The following CAPN14 variants were observed in gnomAD, a reference collection of about 807,000 sequenced individuals.
The protein encoded by CAPN14 is calpain 14.
Under a neutral mutation model 101.3 loss-of-function variants are expected in CAPN14, and 94 were observed. That is an observed-to-expected ratio of 0.93 (90% CI 0.79 to 1.10). The LOEUF (loss-of-function observed/expected upper bound fraction) is 1.10. Among genes scored for constraint, CAPN14 ranks in the 50% least tolerant of loss-of-function variants. The pLI is 0.00. For synonymous variants in CAPN14, 338 were observed against 317.9 expected, an observed-to-expected ratio of 1.06 and a Z score of -0.67; for missense variants, 837 against 828.4, an observed-to-expected ratio of 1.01 and a Z score of -0.13.
chr2:31,187,747 G>A lies in CAPN14; in HGVS notation c.1587+11C>T, dbSNP rs1283051095. 6.4e-7 allele frequency: 1 copy of A among 1,550,426 alleles called. No individual in the cohort carries two copies. The highest frequency in any genetic ancestry group is 2.4e-5 in the East Asian group (1 of 40,930). ...CTCTTCCTCACCCCCCACCACACCT[G>A]TTCAACTAACCTTTTCAAAGAATTT... On this transcript the variant is annotated intron_variant, in intron 15 of 21. Coordinates refer to ENST00000403897, the MANE Select transcript of CAPN14 (RefSeq NM_001145122.2).
At position 31,177,800 on chromosome 2, in the gene CAPN14, G is replaced by A. The variant is rs144558381; in HGVS notation, c.1801C>T (p.Arg601Cys). 286 of 1,551,944 alleles carry A rather than the reference G, an allele frequency of 1.8e-4. No homozygotes were observed. In the African/African-American group the frequency reaches 2.8e-3, roughly 15 times the overall value. ...TCCCAGTTCAGGTATCCTGACCCAC[G>A]GTCTTGCTTGTGGAAAACCTTCTGC... ...LSQKVFHKQD[R>C]GSGYLNWEQL... Residue 601 changes from arginine to cysteine, a missense_variant, in exon 19 of 22, where the codon CGT becomes TGT. Coordinates refer to ENST00000403897, the MANE Select transcript of CAPN14 (RefSeq NM_001145122.2).
At chr2:31,192,570 C>T (rs912653111) in intron 10 of CAPN14, among the ~76,000 whole-genome samples, 3 of 152,124 alleles carry the variant, frequency 2.0e-5, no homozygotes, top group African/African-American at 7.2e-5. Flanking sequence ...CAGGCCTTGC[C>T]TTCAAAAGGG....
chr2:31,220,159 C>A (rs1682819973), upstream of CAPN14, among the ~76,000 whole-genome samples: 1 of 152,070 alleles, frequency 6.6e-6, no homozygotes, highest in Admixed American at 6.5e-5. Context: ...CCAAATGAAT[C>A]CCTGATTGTT....
At chr2:31,178,065 C>G (rs1168652907) in intron 18 of CAPN14, among the ~76,000 whole-genome samples, 1 of 152,212 alleles carries the variant, frequency 6.6e-6, no homozygotes, top group Non-Finnish European at 1.5e-5. Flanking sequence ...TATAGACAGT[C>G]TTGGTGTGGG....
intron 9 of CAPN14, 111 bp from the exon 10 acceptor site, chr2:31,193,405 CAA>C (rs1681308448): frequency 9.5e-7 from 1 of 1,056,904 alleles, no homozygotes; most frequent in Non-Finnish European, 1.4e-6. Flanking sequence ...CTCTCATGGA[CAA>C]AGACACCAGC....
At chr2:31,206,146 C>T (rs935863701) in intron 1 of CAPN14, among the ~76,000 whole-genome samples, 1 of 151,510 alleles carries the variant, frequency 6.6e-6, no homozygotes, top group African/African-American at 2.4e-5. Context: ...AATTCTCCTG[C>T]CTCAGTCTCC....
chr2:31,181,743 A>C (rs916341633), intron 16 of CAPN14, among the ~76,000 whole-genome samples: 1 of 131,438 alleles, frequency 7.6e-6, no homozygotes, highest in South Asian at 2.5e-4. Context: ...TCGTTGTTCA[A>C]TTCCCACCTA....
chr2:31,176,736 AT>A (rs1558608292), intron 20 of CAPN14, 94 bp from the exon 21 acceptor site: 1 of 1,206,656 alleles, frequency 8.3e-7, no homozygotes, highest in African/African-American at 1.5e-5. Context: ...AACCACATCC[AT>A]TCTGAAAACG....
chr2:31,177,054 G>A lies in CAPN14; in HGVS notation c.1944C>T (p.His648=). Residue 648 remains histidine, a synonymous_variant, in exon 20 of 22, where the codon CAC becomes CAT. Coordinates refer to ENST00000403897, the MANE Select transcript of CAPN14 (RefSeq NM_001145122.2). ...RLQMDFVSFI[H]LMLRVENMED... Reference sequence around the variant, plus strand: ...CCATGTTCTCTACACGCAGCATCAAGTGGATGAAACTGACAAAGTCCATCT... The same window carrying A: ...CCATGTTCTCTACACGCAGCATCAAATGGATGAAACTGACAAAGTCCATCT... 2.6e-6 allele frequency: 4 copies of A among 1,551,518 alleles called. No homozygotes were observed. The highest frequency in any genetic ancestry group is 3.5e-6 in the Non-Finnish European group (4 of 1,146,846).
intron 17 of CAPN14, among the ~76,000 whole-genome samples, chr2:31,179,519 C>T (rs553802952): frequency 2.0e-5 from 3 of 152,182 alleles, no homozygotes; most frequent in East Asian, 3.9e-4. Flanking sequence ...TGAATAGTGC[C>T]GCAGTAAACA....
At chr2:31,197,413 A>G in intron 7 of CAPN14, 79 bp from the exon 8 acceptor site, 1 of 978,784 alleles carries the variant, frequency 1.0e-6, no homozygotes. Context: ...TCGGGCCTGG[A>G]GCTGAGCACT....
At chr2:31,227,798 C>T (rs967340975) in intron 1 of CAPN14, among the ~76,000 whole-genome samples, 1 of 152,222 alleles carries the variant, frequency 6.6e-6, no homozygotes, top group East Asian at 1.9e-4. Context: ...AGGCTGAAGA[C>T]GTGCCCTGTC....
intron 7 of CAPN14, 54 bp from the exon 8 acceptor site, chr2:31,197,388 A>G: frequency 8.1e-7 from 1 of 1,234,670 alleles, no homozygotes; most frequent in Non-Finnish European, 1.2e-6. Context: ...AACATTCCAG[A>G]GATCTGAGTG....
intron 19 of CAPN14, among the ~76,000 whole-genome samples, chr2:31,177,517 G>C (rs756364638): frequency 3.9e-5 from 6 of 152,194 alleles, no homozygotes; most frequent in Non-Finnish European, 7.3e-5. Context: ...TTATAACAAG[G>C]TGGTGTTGAA....
At chr2:31,222,601 G>T (rs1284317698) in intron 2 of CAPN14, among the ~76,000 whole-genome samples, 4 of 152,134 alleles carry the variant, frequency 2.6e-5, no homozygotes, top group Non-Finnish European at 5.9e-5. Context: ...TAGTCCAGGG[G>T]CTGGTACATA....
At chr2:31,181,296 C>T (rs1270607447) in intron 16 of CAPN14, among the ~76,000 whole-genome samples, 2 of 152,044 alleles carry the variant, frequency 1.3e-5, no homozygotes, top group Non-Finnish European at 2.9e-5. Flanking sequence ...AGTCAAACTC[C>T]CAAATCTCAA....
chr2:31,205,104 T>G (rs1682000389), intron 2 of CAPN14, 119 bp downstream of exon 2: 1 of 808,534 alleles, frequency 1.2e-6, no homozygotes, highest in Admixed American at 2.2e-5. Context: ...TGTGTTGTGT[T>G]GAGTGGAGAG....
chr2:31,174,472 T>G lies in CAPN14; in HGVS notation c.*209A>C. 1.6e-6 allele frequency: 1 copy of G among 609,544 alleles called. No homozygotes were observed. Among genetic ancestry groups the G allele is most frequent in the Non-Finnish European group, 2.9e-6 (1 of 344,350 alleles). 37.8% of individuals were successfully genotyped at this position (609,544 alleles called of 1,614,324 possible). On this transcript the variant is annotated 3_prime_UTR_variant, in exon 22 of 22. Transcript: ENST00000403897. ...GGATGGCTAGCTTTTACAAATCTGATGTAATCTTTACTTCCTCCCTTCCCT... is the reference window on the plus strand; with the variant it reads ...GGATGGCTAGCTTTTACAAATCTGAGGTAATCTTTACTTCCTCCCTTCCCT...
chr2:31,192,081 G>T lies in CAPN14; in HGVS notation c.1132C>A (p.Pro378Thr). 6.5e-7 allele frequency: 1 copy of T among 1,549,302 alleles called. No individual in the cohort carries two copies. The highest frequency in any genetic ancestry group is 1.4e-5 in the African/African-American group (1 of 73,076). The change falls in exon 11 of 22, where the codon CCG becomes ACG. Residue 378 changes from proline (P) to threonine (T), a missense_variant. Coordinates refer to ENST00000403897, the MANE Select transcript of CAPN14 (RefSeq NM_001145122.2). ...QLLQDTFWKN[P>T]QFLLSVWRPE... ...CTCCAGACAGACAGCAGGAACTGCG[G>T]GTTCTTCCAAAATGTGTCTGGAGCA...
Sources: gnomAD v4.1 joint callset for allele counts (sites outside exome capture counted in the v4.1 genomes callset) on GRCh38, gnomAD v4.1.1 for gene constraint, MANE v1.5 for transcripts, NCBI Gene and HGNC (gene_info 2026-07-23, HGNC 2026-07-21) for gene names.